TBX4: variants seen among roughly 807,000 people sequenced by gnomAD.
TBX4 encodes T-box transcription factor 4.
A neutral mutation model predicts 54.6 loss-of-function variants in TBX4; 13 were observed. The observed-to-expected ratio is 0.24, with a 90% CI of 0.15 to 0.38. The LOEUF (loss-of-function observed/expected upper bound fraction) is 0.38. Among genes scored for constraint, TBX4 ranks in the 10% least tolerant of loss-of-function variants. The probability of loss-of-function intolerance (pLI) is 1.00; values close to 1 mark genes in which losing one functional copy is unlikely to be tolerated. For missense variants in TBX4, 631 were observed against 728.5 expected, an observed-to-expected ratio of 0.87 and a Z score of 1.54; for synonymous variants, 314 against 306.7, an observed-to-expected ratio of 1.02 and a Z score of -0.25.
Position 61,478,576 on chromosome 17 carries a change from G to A in TBX4, c.550-51G>A. 6.2e-7 allele frequency: 1 copy of A among 1,613,448 alleles called. No homozygotes were observed. The highest frequency in any genetic ancestry group is 8.5e-7 in the Non-Finnish European group (1 of 1,179,434). On this transcript the variant is annotated intron_variant, in intron 5 of 8. Coordinates refer to ENST00000644296, the MANE Select transcript of TBX4 (RefSeq NM_001321120.2). The surrounding 1 kb of genome is among the most constrained non-coding windows in gnomAD (Gnocchi z 7.4). ...GCCAGAAGAATGAGGTCAAGGGCCT[G>A]GGGCTTGCGGATGGGGACCTGGAGC...
rs1569047668 is a variant in TBX4 at position 61,483,664 on chromosome 17, A to ATGTG, written c.*151_*152insGTGT. 2.3e-6 allele frequency: 2 copies of ATGTG among 865,250 alleles called. No homozygotes were observed. Among genetic ancestry groups the ATGTG allele is most frequent in the African/African-American group, 2.3e-5 (1 of 43,356 alleles). The allele number at this position is 865,250 out of a possible 1,614,324, so 53.6% of individuals were successfully genotyped here. On this transcript the variant is annotated 3_prime_UTR_variant, in exon 9 of 9. Coordinates refer to ENST00000644296, the MANE Select transcript of TBX4 (RefSeq NM_001321120.2). The surrounding 1 kb of genome is among the most constrained non-coding windows in gnomAD (Gnocchi z 6.6). Reference sequence around the variant, plus strand: ...TGTGTGTGTGTGTGTATACACGAGCATGTATGTATTTGGAGAGCATCCATC... The same window carrying ATGTG: ...TGTGTGTGTGTGTGTATACACGAGCATGTGTGTATGTATTTGGAGAGCATCCATC...
chr17:61,483,390 G>A lies in TBX4; in HGVS notation c.1515G>A (p.Lys505=), dbSNP rs117324438. The part of the protein sequence containing the change: ...ERGLPQGCER[K]PPSPHLNAAN... ...GCCTCCCCCAAGGGTGTGAGAGGAA[G>A]CCACCCTCGCCACATCTAAATGCTG... is the stretch of plus-strand genomic sequence containing the variant. Residue 505 remains lysine, a synonymous_variant, in exon 9 of 9, where the codon AAG becomes AAA. Coordinates refer to ENST00000644296, the MANE Select transcript of TBX4 (RefSeq NM_001321120.2). This position sits in a 1 kb window ranked among gnomAD's most constrained non-coding sequence, Gnocchi z 6.6. The A allele has an allele frequency of 2.5e-3, 4,011 of 1,611,166 alleles. 11 individuals carry two copies. Among genetic ancestry groups the A allele is most frequent in the Middle Eastern group, 3.3e-3 (20 of 6,048 alleles).
Position 61,483,167 on chromosome 17 carries a change from G to A in TBX4, c.1292G>A (p.Ser431Asn). The change falls in exon 9 of 9, where the codon AGC (serine) becomes AAC (asparagine). Residue 431 changes from serine to asparagine, a missense_variant. Physicochemically the swap from Ser to Asn is conservative, Grantham distance 46 (BLOSUM62 1). This residue lies in a region of TBX4 where 354 missense variants were observed against 368.9 expected (regional missense o/e 0.96). Coordinates refer to ENST00000644296, the MANE Select transcript of TBX4 (RefSeq NM_001321120.2). The surrounding 1 kb of genome is among the most constrained non-coding windows in gnomAD (Gnocchi z 6.6). Reference sequence around the variant, plus strand: ...TCAGTGTCGCCGTACACCAGCTATAGCGTGCAGACGATGGAGACTGTGCCG... The same window carrying A: ...TCAGTGTCGCCGTACACCAGCTATAACGTGCAGACGATGGAGACTGTGCCG... ...WTSVSPYTSY[S>N]VQTMETVPYQ... 3.1e-6 allele frequency: 5 copies of A among 1,614,126 alleles called. No homozygotes were observed. The highest frequency in any genetic ancestry group is 3.4e-6 in the Non-Finnish European group (4 of 1,180,032).
rs181469144 is a variant in TBX4 at position 61,469,673 on chromosome 17, C to T, written c.549+2016C>T. On this transcript the variant is annotated intron_variant, in intron 5 of 8. Transcript: ENST00000644296. Reference sequence around the variant, plus strand: ...CTTTCTGTACCCAGGGCTCTCGCTGCGGTATCTTCACCTATTTAGAGAACC... The same window carrying T: ...CTTTCTGTACCCAGGGCTCTCGCTGTGGTATCTTCACCTATTTAGAGAACC... 1.5e-3 allele frequency among the ~76,000 whole-genome samples: 221 copies of T among 152,310 alleles called. 1 individual carries two copies. Among genetic ancestry groups the T allele is most frequent in the African/African-American group, 4.5e-3 (188 of 41,566 alleles).
intron 8 of TBX4, 69 bp from the exon 9 acceptor site, chr17:61,482,828 A>G (rs2060673846): frequency 6.3e-7 from 1 of 1,598,194 alleles, no homozygotes; most frequent in Non-Finnish European, 8.5e-7. Flanking sequence ...CTGTCCCAGC[A>G]TCCAACAGGG....
In TBX4 at chr17:61,464,768, G is replaced by A. The variant is rs573636774; in HGVS notation, c.282-1051G>A. Among the ~76,000 whole-genome samples the A allele has an allele frequency of 1.4e-4, 22 of 152,302 alleles. No individual in the cohort carries two copies. The South Asian group carries it at 2.7e-3, about 19-fold the overall frequency. On this transcript the variant is annotated intron_variant, in intron 3 of 8. Coordinates refer to ENST00000644296, the MANE Select transcript of TBX4 (RefSeq NM_001321120.2). The surrounding 1 kb of genome is among the most constrained non-coding windows in gnomAD (Gnocchi z 5.8). ...CTGTGCCCAGAGCGTTTGTGTATGC[G>A]CTGTGCTGTTGTGTGTGCGTATGTG... is the stretch of plus-strand genomic sequence containing the variant.
rs139365620 is a variant in TBX4 at position 61,469,668 on chromosome 17, C to T, written c.549+2011C>T. ...ACTGCCTTTCTGTACCCAGGGCTCT[C>T]GCTGCGGTATCTTCACCTATTTAGA... On this transcript the variant is annotated intron_variant, in intron 5 of 8. Transcript: ENST00000644296. Among the ~76,000 whole-genome samples the T allele has an allele frequency of 5.3e-4, 80 of 152,304 alleles. 1 individual carries two copies. The highest frequency in any genetic ancestry group is 1.9e-3 in the African/African-American group (77 of 41,564).
rs777047846 is a variant in TBX4, at chr17:61,457,511, C to T, written c.187-26C>T. The T allele has an allele frequency of 6.2e-7, 1 of 1,608,420 alleles. No individual in the cohort carries two copies. Among genetic ancestry groups the T allele is most frequent in the African/African-American group, 1.3e-5 (1 of 74,914 alleles). On this transcript the variant is annotated intron_variant, in intron 2 of 8. Coordinates refer to ENST00000644296, the MANE Select transcript of TBX4 (RefSeq NM_001321120.2). This position sits in a 1 kb window ranked among gnomAD's most constrained non-coding sequence, Gnocchi z 8.2. The stretch of plus-strand genomic sequence containing the variant: ...CGTGGAGCCCTGGGCCTGGCAGACA[C>T]AAGTTTCTCTCCCTCCCATCCCCAG...
At position 61,479,209 on chromosome 17, in the gene TBX4, A is replaced by G. The variant is rs1241440480; in HGVS notation, c.702+430A>G. On this transcript the variant is annotated intron_variant, in intron 6 of 8. Coordinates refer to ENST00000644296, the MANE Select transcript of TBX4 (RefSeq NM_001321120.2). The surrounding 1 kb of genome is among the most constrained non-coding windows in gnomAD (Gnocchi z 6.1). ...GGGTGTGGAAGCAGAGCCTGAGCGG[A>G]GGCCCTTCCCAGGCTGTGATAGGAG... Among the ~76,000 whole-genome samples, 1 of 152,034 alleles carries G rather than the reference A, an allele frequency of 6.6e-6. No homozygotes were observed. The highest frequency in any genetic ancestry group is 6.6e-5 in the Admixed American group (1 of 15,260).
In TBX4 at chr17:61,457,439, G is replaced by A; in HGVS notation, c.187-98G>A. The stretch of plus-strand genomic sequence containing the variant: ...GGAGCCATGGGCTCCGGGCGGGCAG[G>A]GTTCCGCACAGCTCTTCGGGTCTGG... On this transcript the variant is annotated intron_variant, in intron 2 of 8. Coordinates refer to ENST00000644296, the MANE Select transcript of TBX4 (RefSeq NM_001321120.2). The surrounding 1 kb of genome is among the most constrained non-coding windows in gnomAD (Gnocchi z 8.2). 1 of 1,134,996 alleles carries A rather than the reference G, an allele frequency of 8.8e-7. No individual in the cohort carries two copies. The highest frequency in any genetic ancestry group is 1.3e-6 in the Non-Finnish European group (1 of 749,676). The allele number at this position is 1,134,996 out of a possible 1,614,324, so 70.3% of individuals were successfully genotyped here.
At chr17:61,473,455 C>G (rs970200824) in intron 5 of TBX4, among the ~76,000 whole-genome samples, 2 of 152,230 alleles carry the variant, frequency 1.3e-5, no homozygotes, top group Non-Finnish European at 2.9e-5. Context: ...GACAGCAAAG[C>G]CACTTCCCCT....
Position 61,470,033 on chromosome 17 carries a change from G to A in TBX4, c.549+2376G>A, listed in dbSNP as rs1055124883. Among the ~76,000 whole-genome samples the A allele has an allele frequency of 3.3e-5, 5 of 152,280 alleles. No homozygotes were observed. The East Asian group carries it at 7.8e-4, about 24-fold the overall frequency. On this transcript the variant is annotated intron_variant, in intron 5 of 8. Transcript: ENST00000644296. ...GATCCTCACGGTATCCCAGGAGCTT[G>A]AGCAGCTGCCTCCTATTGGCAGCCC...
At position 61,483,613 on chromosome 17, in the gene TBX4, A is replaced by ACT; in HGVS notation, c.*97_*98insCT. 1.3e-6 allele frequency: 1 copy of ACT among 781,268 alleles called. No homozygotes were observed. The highest frequency in any genetic ancestry group is 2.1e-6 in the Non-Finnish European group (1 of 486,740). The allele number at this position is 781,268 out of a possible 1,614,324, so 48.4% of individuals were successfully genotyped here. The stretch of plus-strand genomic sequence containing the variant: ...ACCAAGAAACACAGGAAGGTATTCC[A>ACT]GTGTGTGTGTGTGTGTGTGTGTGTG... On this transcript the variant is annotated 3_prime_UTR_variant, in exon 9 of 9. Coordinates refer to ENST00000644296, the MANE Select transcript of TBX4 (RefSeq NM_001321120.2). This position sits in a 1 kb window ranked among gnomAD's most constrained non-coding sequence, Gnocchi z 6.6.
In TBX4 at chr17:61,472,260, A is replaced by C. The variant is rs931128501; in HGVS notation, c.549+4603A>C. Among the ~76,000 whole-genome samples, 2 of 152,144 alleles carry C rather than the reference A, an allele frequency of 1.3e-5. No individual in the cohort carries two copies. The highest frequency in any genetic ancestry group is 6.5e-5 in the Admixed American group (1 of 15,272). On this transcript the variant is annotated intron_variant, in intron 5 of 8. Transcript: ENST00000644296. This position sits in a 1 kb window ranked among gnomAD's most constrained non-coding sequence, Gnocchi z 4.5. ...ATATCACCAAATTCCCCTCCATGGG[A>C]GCTGTACTGATGTATATATTTCCAC...
rs1158580444 is a variant in TBX4 at position 61,479,161 on chromosome 17, G to A, written c.702+382G>A. The stretch of plus-strand genomic sequence containing the variant: ...AGACAGGGGTAGGGAATGGGGATAG[G>A]AGCCCTGGGGTGCTGTCAGCTGGGG... On this transcript the variant is annotated intron_variant, in intron 6 of 8. Coordinates refer to ENST00000644296, the MANE Select transcript of TBX4 (RefSeq NM_001321120.2). The surrounding 1 kb of genome is among the most constrained non-coding windows in gnomAD (Gnocchi z 6.1). 6.6e-6 allele frequency among the ~76,000 whole-genome samples: 1 copy of A among 152,106 alleles called. No individual in the cohort carries two copies.
rs2060504154 is a variant in TBX4, at chr17:61,462,582, G to C, written c.282-3237G>C. ...GAGAGGGGGAGCGCGCAAGGAGGGG[G>C]CTGGCTGGGGCGGACCCAGAGGTAG... On this transcript the variant is annotated intron_variant, in intron 3 of 8. Transcript: ENST00000644296. The surrounding 1 kb of genome is among the most constrained non-coding windows in gnomAD (Gnocchi z 4.5). Among the ~76,000 whole-genome samples, 1 of 150,686 alleles carries C rather than the reference G, an allele frequency of 6.6e-6. No homozygotes were observed. Among genetic ancestry groups the C allele is most frequent in the African/African-American group, 2.4e-5 (1 of 40,942 alleles).
chr17:61,453,226 A>G (rs2060425913), intron 1 of TBX4, among the ~76,000 whole-genome samples: 1 of 152,210 alleles, frequency 6.6e-6, no homozygotes, highest in Non-Finnish European at 1.5e-5. Context: ...AGGATTAAAG[A>G]CAAAGTAATT....
At chr17:61,456,365 G>A (rs1415491806) in intron 1 of TBX4, 123 bp from the exon 2 acceptor site, 33 of 1,333,802 alleles carry the variant, frequency 2.5e-5, no homozygotes, top group African/African-American at 2.9e-5. Context: ...AGGGGGCGGG[G>A]TCCACGTGCT....
In TBX4 at chr17:61,480,103, G is replaced by T; in HGVS notation, c.805G>T (p.Val269Leu). 6.2e-7 allele frequency: 1 copy of T among 1,613,930 alleles called. No homozygotes were observed. The highest frequency in any genetic ancestry group is 8.5e-7 in the Non-Finnish European group (1 of 1,179,998). Residue 269 changes from valine to leucine, a missense_variant, in exon 8 of 9, where the codon GTG becomes TTG. Physicochemically the swap from Val to Leu is conservative, Grantham distance 32. Transcript: ENST00000644296. This position sits in a 1 kb window ranked among gnomAD's most constrained non-coding sequence, Gnocchi z 6.2. ...CCACCCCTTCAGCAAAGAATACCCC[G>T]TGATTTCCAAAAGCATCATGAGGCA... ...VARLQSKEYP[V>L]ISKSIMRQRL...
Sources: gnomAD v4.1 joint callset for allele counts (sites outside exome capture counted in the v4.1 genomes callset) on GRCh38, gnomAD v4.1.1 for gene constraint, gnomAD v4.1.1 regional missense constraint, Gnocchi (gnomAD v3.1) non-coding constraint, MANE v1.5 for transcripts, NCBI Gene and HGNC (gene_info 2026-07-23, HGNC 2026-07-21) for gene names.